The following EML1 variants were observed in gnomAD, a reference collection of about 807,000 sequenced individuals.
The protein encoded by EML1 is echinoderm microtubule-associated protein-like 1.
Under a neutral mutation model 110.4 loss-of-function variants are expected in EML1, and 27 were observed. The ratio of observed to expected loss-of-function variants is 0.24; its 90% CI spans 0.18 to 0.34. The LOEUF (loss-of-function observed/expected upper bound fraction) is 0.34, where lower values mean the gene tolerates loss of function less well. Ranked by LOEUF, EML1 falls within the 10% of genes least tolerant of loss-of-function variation. EML1 has a pLI of 1.00. For synonymous variants in EML1, 344 were observed against 385.8 expected, an observed-to-expected ratio of 0.89 and a Z score of 1.27; for missense variants, 741 against 1,030.9, an observed-to-expected ratio of 0.72 and a Z score of 3.85.
At chr14:99,931,787 T>C (rs1218994204) in intron 17 of EML1, among the ~76,000 whole-genome samples, 5 of 152,176 alleles carry the variant, frequency 3.3e-5, no homozygotes, top group Admixed American at 2.6e-4. Flanking sequence ...TTTTTATATA[T>C]TTATGGATGA....
chr14:99,935,022 G>T (rs2060442790), intron 17 of EML1, among the ~76,000 whole-genome samples: 1 of 152,206 alleles, frequency 6.6e-6, no homozygotes, highest in Non-Finnish European at 1.5e-5. Context: ...CAGGCAGAGA[G>T]CAGTGAGTGC....
At chr14:99,881,592 T>C (rs1479916587) in intron 4 of EML1, among the ~76,000 whole-genome samples, 1 of 137,172 alleles carries the variant, frequency 7.3e-6, no homozygotes, top group Non-Finnish European at 1.5e-5. Flanking sequence ...TAAAACTATA[T>C]TCTTTTTCTT....
chr14:99,804,279 G>T (rs1371589592), intron 1 of EML1, among the ~76,000 whole-genome samples: 1 of 152,306 alleles, frequency 6.6e-6, no homozygotes, highest in Middle Eastern at 3.4e-3. Context: ...AGAAGGTGGG[G>T]TCCATGTCTC....
Position 99,758,659 on chromosome 14 carries a change from G to A in EML1, c.28+20799G>A, listed in dbSNP as rs145166270. Among the ~76,000 whole-genome samples the A allele has an allele frequency of 2.0e-4, 30 of 152,282 alleles. No homozygotes were observed. The East Asian group carries it at 5.8e-3, about 29-fold the overall frequency. ...CAGTGATTCATTAGGCGAAGAAACTGGCCTTGGAAGGCAATGAGCTCATGA... is the reference window on the plus strand; with the variant it reads ...CAGTGATTCATTAGGCGAAGAAACTAGCCTTGGAAGGCAATGAGCTCATGA... On this transcript the variant is annotated intron_variant, in intron 1 of 10. Transcript: ENST00000554479.
chr14:99,819,511 G>A (rs2058225765), intron 1 of EML1, among the ~76,000 whole-genome samples: 1 of 152,192 alleles, frequency 6.6e-6, no homozygotes, highest in African/African-American at 2.4e-5. Flanking sequence ...AAGGTGTCCT[G>A]GTAATTTTGC....
At chr14:99,923,081 A>G (rs2060158544) in intron 17 of EML1, among the ~76,000 whole-genome samples, 1 of 152,120 alleles carries the variant, frequency 6.6e-6, no homozygotes, top group Non-Finnish European at 1.5e-5. Context: ...AGCTGGGAAC[A>G]CAGGCACACA....
rs141085675 is a variant in EML1 at position 99,868,381 on chromosome 14, G to A, written c.383+2735G>A. Reference sequence around the variant, plus strand: ...TCAATTCTTTGGAAGAGTTTAAGGAGCATTGGAATTTATCCTTTTTTAAAT... The same window carrying A: ...TCAATTCTTTGGAAGAGTTTAAGGAACATTGGAATTTATCCTTTTTTAAAT... On this transcript the variant is annotated intron_variant, in intron 3 of 21. Coordinates refer to ENST00000262233, the MANE Select transcript of EML1 (RefSeq NM_004434.3). 8.9e-3 allele frequency among the ~76,000 whole-genome samples: 1,355 copies of A among 152,296 alleles called. 7 individuals are homozygous for A. The highest frequency in any genetic ancestry group is 0.017 in the Admixed American group (253 of 15,300).
rs1049709775 is a variant in EML1 at position 99,889,609 on chromosome 14, G to A, written c.519-1590G>A. 2.0e-5 allele frequency among the ~76,000 whole-genome samples: 3 copies of A among 152,224 alleles called. No homozygotes were observed. In the East Asian group the frequency reaches 5.8e-4, roughly 29 times the overall value. ...ACATGAATCCGTACGCACGGCTACA[G>A]CAGTGGCCTGAGAGTGGCTGACTTC... On this transcript the variant is annotated intron_variant, in intron 4 of 21. Coordinates refer to ENST00000262233, the MANE Select transcript of EML1 (RefSeq NM_004434.3).
At chr14:99,769,702 C>A (rs1392470960), upstream of EML1, among the ~76,000 whole-genome samples, 1 of 152,224 alleles carries the variant, frequency 6.6e-6, no homozygotes, top group African/African-American at 2.4e-5. Flanking sequence ...ATGATGGCTT[C>A]CAGATGTACC....
At chr14:99,931,522 C>T (rs780103329) in intron 17 of EML1, among the ~76,000 whole-genome samples, 2 of 152,138 alleles carry the variant, frequency 1.3e-5, no homozygotes, top group East Asian at 1.9e-4. Context: ...ACTCTTGCTC[C>T]CGTGGCTTTA....
chr14:99,902,436 G>GA (rs60248943), intron 9 of EML1, among the ~76,000 whole-genome samples: 30 of 151,942 alleles, frequency 2.0e-4, no homozygotes, highest in Non-Finnish European at 2.6e-4. Context: ...TTAAATAGCA[G>GA]AAAAAACTTA....
At chr14:99,810,076 G>T (rs1027062981) in intron 1 of EML1, among the ~76,000 whole-genome samples, 7 of 152,126 alleles carry the variant, frequency 4.6e-5, no homozygotes, top group Non-Finnish European at 1.0e-4. Context: ...TTGTATCTGC[G>T]GACACTCCCC....
At chr14:99,861,293 C>T (rs1595392835) in intron 2 of EML1, among the ~76,000 whole-genome samples, 3 of 152,228 alleles carry the variant, frequency 2.0e-5, no homozygotes, top group East Asian at 1.9e-4. Context: ...CAGGGCAAGG[C>T]GCTGTGGGAG....
At chr14:99,815,269 G>A (rs2058148613) in intron 1 of EML1, among the ~76,000 whole-genome samples, 1 of 151,006 alleles carries the variant, frequency 6.6e-6, no homozygotes, top group African/African-American at 2.4e-5. Flanking sequence ...AGCCTTCCAA[G>A]TAGCTGGGAC....
At chr14:99,858,094 G>C (rs1420692424) in intron 2 of EML1, among the ~76,000 whole-genome samples, 1 of 152,098 alleles carries the variant, frequency 6.6e-6, no homozygotes, top group Non-Finnish European at 1.5e-5. Context: ...ATACAAAGTA[G>C]CATGCTCTCT....
Position 99,851,005 on chromosome 14 carries a change from G to A in EML1, c.220G>A (p.Ala74Thr). ...RRLNITEEQQ[A>T]VLNRKGPTKA... ...GCTGAACATTACTGAGGAACAGCAGGCCGTGCTTAACAGGAAAGGACCTAC... is the reference window on the plus strand; with the variant it reads ...GCTGAACATTACTGAGGAACAGCAGACCGTGCTTAACAGGAAAGGACCTAC... The change falls in exon 2 of 22, where the codon GCC (alanine) becomes ACC (threonine). Residue 74 changes from alanine to threonine, a missense_variant. This residue lies in a region of EML1 where 226 missense variants were observed against 255.6 expected (regional missense o/e 0.88). Transcript: ENST00000262233. 1.2e-6 allele frequency: 2 copies of A among 1,614,062 alleles called. No homozygotes were observed. The highest frequency in any genetic ancestry group is 1.7e-6 in the Non-Finnish European group (2 of 1,179,986).
chr14:99,925,679 G>A (rs2060221090), intron 17 of EML1, among the ~76,000 whole-genome samples: 1 of 152,176 alleles, frequency 6.6e-6, no homozygotes, highest in African/African-American at 2.4e-5. Context: ...CAAAGTTCAG[G>A]CCGTTTCCAT....
chr14:99,792,654 C>T (rs2057689304), upstream of EML1: 1 of 152,228 alleles, frequency 6.6e-6, no homozygotes, highest in Non-Finnish European at 1.5e-5. Context: ...ATCTGTATCC[C>T]AGGGGCTGAT....
intron 1 of EML1, among the ~76,000 whole-genome samples, chr14:99,818,564 C>T (rs779846501): frequency 6.6e-6 from 1 of 152,162 alleles, no homozygotes; most frequent in African/African-American, 2.4e-5. Flanking sequence ...GCAAGATGAC[C>T]ATGCGAACTT....
Sources: allele counts gnomAD v4.1 joint callset (sites outside exome capture counted in the v4.1 genomes callset), GRCh38; gene constraint gnomAD v4.1.1; regional missense constraint gnomAD v4.1.1; transcripts MANE v1.5; gene names NCBI Gene and HGNC (gene_info 2026-07-23, HGNC 2026-07-21).